The following MRM1 variants were observed in gnomAD, a reference collection of about 807,000 sequenced individuals.
MRM1 encodes rRNA methyltransferase 1, mitochondrial.
A neutral mutation model predicts 25.0 loss-of-function variants in MRM1; 24 were observed. The observed-to-expected ratio is 0.96, with a 90% CI of 0.69 to 1.35. The LOEUF (loss-of-function observed/expected upper bound fraction) is 1.35, where lower values mean the gene tolerates loss of function less well. MRM1 is among the 40% of genes most tolerant of loss of function. The pLI is 0.00. For synonymous variants in MRM1, 188 were observed against 199.2 expected, an observed-to-expected ratio of 0.94 and a Z score of 0.47; for missense variants, 431 against 464.1, an observed-to-expected ratio of 0.93 and a Z score of 0.65.
chr17:36,609,987 G>A (rs1452871988), downstream of MRM1, among the ~76,000 whole-genome samples: 8 of 152,086 alleles, frequency 5.3e-5, no homozygotes, highest in Non-Finnish European at 8.8e-5. Context: ...GTGCAGTGGC[G>A]CGATCTTGGC....
downstream of MRM1, among the ~76,000 whole-genome samples, chr17:36,610,612 C>A (rs1167257948): frequency 6.6e-6 from 1 of 152,134 alleles, no homozygotes; most frequent in African/African-American, 2.4e-5. Context: ...TCAGCTTCTG[C>A]CCCCCTTGAG....
chr17:36,621,023 T>A, the MRM1 span, among the ~76,000 whole-genome samples: 65 of 152,314 alleles, frequency 4.3e-4, no homozygotes, highest in Non-Finnish European at 8.7e-4. Flanking sequence ...TTCTTTAATG[T>A]CTCTGATCCT....
In MRM1 at chr17:36,602,292, C is replaced by A; in HGVS notation, c.482C>A (p.Ala161Asp). 6 of 1,599,456 alleles carry A rather than the reference C, an allele frequency of 3.8e-6. No homozygotes were observed. The highest frequency in any genetic ancestry group is 5.1e-6 in the Non-Finnish European group (6 of 1,170,234). The change falls in exon 1 of 5, where the codon GCT (alanine) becomes GAT (aspartate). Residue 161 changes from alanine (A) to aspartate (D), a missense_variant. Ala to Asp is a moderately radical substitution (Grantham distance 126, BLOSUM62 -2). Coordinates refer to ENST00000614766, the MANE Select transcript of MRM1 (RefSeq NM_024864.5). The surrounding 1 kb of genome is among the most constrained non-coding windows in gnomAD (Gnocchi z 4.1). ...ATCCAGGATCCCCGGAATTTTGGGG[C>A]TGTGCTGCGTTCCGCACACTTCCTC... ...DGIQDPRNFG[A>D]VLRSAHFLGV...
the MRM1 span, among the ~76,000 whole-genome samples, chr17:36,615,460 A>G: frequency 6.6e-6 from 1 of 151,916 alleles, no homozygotes; most frequent in African/African-American, 2.4e-5. Flanking sequence ...GGAGTTTGAG[A>G]CCAGCCTGAC....
At chr17:36,603,749 TAC>T (rs1482923365) in intron 2 of MRM1, among the ~76,000 whole-genome samples, 3 of 152,246 alleles carry the variant, frequency 2.0e-5, no homozygotes, top group Non-Finnish European at 4.4e-5. Context: ...AAAAATGTTT[TAC>T]ATACAACACA....
chr17:36,607,591 C>T, intron 2 of MRM1, 79 bp from the exon 3 acceptor site: 1 of 1,507,202 alleles, frequency 6.6e-7, no homozygotes. Flanking sequence ...CCACTGCACT[C>T]CAGCCTGAGC....
At position 36,608,456 on chromosome 17, in the gene MRM1, G is replaced by T; in HGVS notation, c.*41G>T. ...GTGTTCATGTGCTGGAGTCAGGGACGGCCGCACCTGCCTCCGCCGGCTCCA... is the reference window on the plus strand; with the variant it reads ...GTGTTCATGTGCTGGAGTCAGGGACTGCCGCACCTGCCTCCGCCGGCTCCA... On this transcript the variant is annotated 3_prime_UTR_variant, in exon 5 of 5. Transcript: ENST00000614766. The T allele has an allele frequency of 1.4e-6, 2 of 1,405,118 alleles. No individual in the cohort carries two copies. Among genetic ancestry groups the T allele is most frequent in the Non-Finnish European group, 1.9e-6 (2 of 1,067,970 alleles). The allele number at this position is 1,405,118 out of a possible 1,614,324, so 87.0% of individuals were successfully genotyped here.
chr17:36,617,429 G>C, the MRM1 span, among the ~76,000 whole-genome samples: 1 of 136,258 alleles, frequency 7.3e-6, no homozygotes, highest in Non-Finnish European at 1.5e-5. Flanking sequence ...ATCTCGCTCT[G>C]TTACCCAGGC....
the MRM1 span, among the ~76,000 whole-genome samples, chr17:36,615,271 C>T: frequency 6.6e-6 from 1 of 152,192 alleles, no homozygotes; most frequent in African/African-American, 2.4e-5. Flanking sequence ...CCTTCTCCCC[C>T]TTCGGGCTCC....
chr17:36,623,952 G>A, the MRM1 span, among the ~76,000 whole-genome samples: 5 of 152,176 alleles, frequency 3.3e-5, no homozygotes, highest in Non-Finnish European at 5.9e-5. Flanking sequence ...TTCCTTGGCT[G>A]GGCACTTCCG....
At chr17:36,606,902 C>T (rs61080523) in intron 2 of MRM1, among the ~76,000 whole-genome samples, 4 of 145,692 alleles carry the variant, frequency 2.7e-5, no homozygotes, top group Admixed American at 6.9e-5. Flanking sequence ...TGAGCTACTG[C>T]GCCTGGTTTT....
chr17:36,630,803 G>T, the MRM1 span, among the ~76,000 whole-genome samples: 1 of 152,262 alleles, frequency 6.6e-6, no homozygotes, highest in Admixed American at 6.5e-5. Context: ...GAGGGTAAGG[G>T]CATTGGGGGC....
the MRM1 span, chr17:36,634,567 G>C: frequency 6.6e-6 from 1 of 152,182 alleles, no homozygotes; most frequent in African/African-American, 2.4e-5. Context: ...CTCCTGTCTT[G>C]TCGTTTTAAT....
chr17:36,616,080 C>T, the MRM1 span, among the ~76,000 whole-genome samples: 7 of 152,270 alleles, frequency 4.6e-5, no homozygotes, highest in South Asian at 8.3e-4. Context: ...AAGCCCCTCC[C>T]GCCCTCTAGG....
At chr17:36,603,168 C>A (rs1035440565) in intron 2 of MRM1, 1 of 915,670 alleles carries the variant, frequency 1.1e-6, no homozygotes, top group African/African-American at 1.8e-5. Flanking sequence ...TCTGACCATA[C>A]CCCCCCCAAC....
chr17:36,605,055 G>C (rs752411695), intron 2 of MRM1, among the ~76,000 whole-genome samples: 12 of 151,818 alleles, frequency 7.9e-5, no homozygotes, highest in Admixed American at 1.3e-4. Flanking sequence ...CAGAAGAGTT[G>C]CTTGAATCCA....
the MRM1 span, among the ~76,000 whole-genome samples, chr17:36,614,787 G>T: frequency 2.0e-5 from 3 of 152,136 alleles, no homozygotes; most frequent in Non-Finnish European, 2.9e-5. Flanking sequence ...GTTATTTTAT[G>T]GGCAAATAAA....
the MRM1 span, among the ~76,000 whole-genome samples, chr17:36,618,864 G>C: frequency 6.6e-6 from 1 of 152,324 alleles, no homozygotes; most frequent in South Asian, 2.1e-4. Context: ...CTTGCCCCAG[G>C]CCATGTGACA....
At chr17:36,617,846 G>T in the MRM1 span, among the ~76,000 whole-genome samples, 2 of 152,100 alleles carry the variant, frequency 1.3e-5, no homozygotes, top group Admixed American at 1.3e-4. Flanking sequence ...TGCCCTGGCC[G>T]GGTCACTGGG....
Sources: gnomAD v4.1 joint callset for allele counts (sites outside exome capture counted in the v4.1 genomes callset) on GRCh38, gnomAD v4.1.1 for gene constraint, Gnocchi (gnomAD v3.1) non-coding constraint, MANE v1.5 for transcripts, NCBI Gene and HGNC (gene_info 2026-07-23, HGNC 2026-07-21) for gene names.